The following CRYGN variants were observed in gnomAD, a reference collection of about 807,000 sequenced individuals.
CRYGN encodes gamma-crystallin N.
Under a neutral mutation model 19.2 loss-of-function variants are expected in CRYGN, and 17 were observed. The ratio of observed to expected loss-of-function variants is 0.89; its 90% CI spans 0.61 to 1.33. The LOEUF is 1.33. Among genes scored for constraint, CRYGN ranks in the 40% most tolerant of loss-of-function variants. The pLI is 0.00. For missense variants in CRYGN, 239 were observed against 239.6 expected, an observed-to-expected ratio of 1.00 and a Z score of 0.02; for synonymous variants, 84 against 85.8, an observed-to-expected ratio of 0.98 and a Z score of 0.12.
intron 1 of CRYGN, 38 bp from the exon 2 acceptor site, chr7:151,438,282 T>C (rs1488264560): frequency 6.3e-7 from 1 of 1,574,888 alleles, no homozygotes; most frequent in African/African-American, 1.3e-5. Context: ...GGTCAGGGGC[T>C]TCTCTCCGTC....
chr7:151,440,027 T>G lies in CRYGN; in HGVS notation c.-110A>C. 2 of 1,385,502 alleles carry G rather than the reference T, an allele frequency of 1.4e-6. No individual in the cohort carries two copies. Among genetic ancestry groups the G allele is most frequent in the Non-Finnish European group, 1.9e-6 (2 of 1,068,282 alleles). The allele number at this position is 1,385,502 out of a possible 1,614,324, so 85.8% of individuals were successfully genotyped here. A position where few individuals can be genotyped will look rare whatever the true frequency, so the allele number is the denominator to read the frequency against. On this transcript the variant is annotated 5_prime_UTR_variant, in exon 1 of 4. Transcript: ENST00000337323. ...TGGGCCGGCCCCGGAGCGTTAGTGC[T>G]GTCGGGCGTGCTAAGCCCGAGGGGC...
Position 151,431,777 on chromosome 7 carries a change from C to A in CRYGN, c.417-1597G>T. 1 of 167,286 alleles carries A rather than the reference C, an allele frequency of 6.0e-6. No homozygotes were observed. Among genetic ancestry groups the A allele is most frequent in the Non-Finnish European group, 1.3e-5 (1 of 78,264 alleles). The allele number at this position is 167,286 out of a possible 1,614,324, so 10.4% of individuals were successfully genotyped here. The stretch of plus-strand genomic sequence containing the variant: ...AAAACCCAGAGATCAGACACAGAGA[C>A]CCTGGGTCAGGCCTTTGGCCACATG... On this transcript the variant is annotated intron_variant, in intron 3 of 3. Transcript: ENST00000337323. The surrounding 1 kb of genome is among the most constrained non-coding windows in gnomAD (Gnocchi z 4.8).
chr7:151,433,337 A>T lies in CRYGN; in HGVS notation c.416+2843T>A, dbSNP rs1027527297. Among the ~76,000 whole-genome samples, 3 of 152,216 alleles carry T rather than the reference A, an allele frequency of 2.0e-5. No homozygotes were observed. The highest frequency in any genetic ancestry group is 7.2e-5 in the African/African-American group (3 of 41,450). ...GAGGAAGGGACTGGAGGTCCAGGAT[A>T]GTGGCCTTTGCCTGGAAAGGGGCAT... On this transcript the variant is annotated intron_variant, in intron 3 of 3. Coordinates refer to ENST00000337323, the MANE Select transcript of CRYGN (RefSeq NM_144727.3). This position sits in a 1 kb window ranked among gnomAD's most constrained non-coding sequence, Gnocchi z 5.1.
At chr7:151,434,548 C>T (rs767839955) in intron 3 of CRYGN, among the ~76,000 whole-genome samples, 11 of 152,274 alleles carry the variant, frequency 7.2e-5, no homozygotes, top group South Asian at 2.1e-4. Context: ...ATCAGGCCAC[C>T]GGGGAAAGGT....
rs760580611 is a variant in CRYGN at position 151,436,206 on chromosome 7, G to A, written c.390C>T (p.Asn130=). 6.4e-6 allele frequency: 10 copies of A among 1,573,442 alleles called. No homozygotes were observed. The highest frequency in any genetic ancestry group is 1.2e-5 in the South Asian group (1 of 85,568). Residue 130 remains asparagine (N), a synonymous_variant, in exon 3 of 4, where the codon AAC becomes AAT. Transcript: ENST00000337323. This position sits in a 1 kb window ranked among gnomAD's most constrained non-coding sequence, Gnocchi z 5.1. ...CTCCGTCCCCGTACACCTTGATGGTGTTCACACAGTTCTTGACCCAGCCCC... is the reference window on the plus strand; with the variant it reads ...CTCCGTCCCCGTACACCTTGATGGTATTCACACAGTTCTTGACCCAGCCCC... The part of the protein sequence containing the change: ...QSRGWVKNCV[N]TIKVYGDGAA...
At chr7:151,434,070 G>C (rs904445125) in intron 3 of CRYGN, among the ~76,000 whole-genome samples, 9 of 152,100 alleles carry the variant, frequency 5.9e-5, no homozygotes, top group Non-Finnish European at 1.2e-4. Flanking sequence ...CCCCAGGAAA[G>C]GCCTCCTAGC....
chr7:151,432,699 G>A (rs1399240000), intron 3 of CRYGN, among the ~76,000 whole-genome samples: 1 of 152,320 alleles, frequency 6.6e-6, no homozygotes. Flanking sequence ...AGCTACTTGG[G>A]AGACTGAGGC....
chr7:151,434,325 G>GT (rs1801546554), intron 3 of CRYGN, among the ~76,000 whole-genome samples: 1 of 152,142 alleles, frequency 6.6e-6, no homozygotes, highest in Admixed American at 6.5e-5. Context: ...GGGCCGGGGG[G>GT]ATTGTGTCTA....
At chr7:151,440,320 TC>T (rs1801733887), upstream of CRYGN, 1 of 259,338 alleles carries the variant, frequency 3.9e-6, no homozygotes, top group Non-Finnish European at 7.3e-6. Flanking sequence ...TGTTCCGAGC[TC>T]CCCAGCCCAC....
In CRYGN at chr7:151,430,243, G is replaced by A. The variant is rs2150904848; in HGVS notation, c.417-63C>T. On this transcript the variant is annotated intron_variant, in intron 3 of 3. Transcript: ENST00000337323. The surrounding 1 kb of genome is among the most constrained non-coding windows in gnomAD (Gnocchi z 5.2). The stretch of plus-strand genomic sequence containing the variant: ...TTAGGGGTACAGAGCAGGCCTTTTG[G>A]GGACCCATCTACCACATGGCAGCAG... 1.9e-6 allele frequency: 3 copies of A among 1,542,904 alleles called. No homozygotes were observed. The East Asian group carries it at 6.8e-5, about 35-fold the overall frequency.
At position 151,436,107 on chromosome 7, in the gene CRYGN, C is replaced by T. The variant is rs1046997572; in HGVS notation, c.416+73G>A. 325 of 1,233,636 alleles carry T rather than the reference C, an allele frequency of 2.6e-4. No individual in the cohort carries two copies. The highest frequency in any genetic ancestry group is 4.5e-4 in the Admixed American group (14 of 31,098). 76.4% of individuals were successfully genotyped at this position (1,233,636 alleles called of 1,614,324 possible). ...CACCCCACCCACCACCCCTGTGTGG[C>T]GGGCAGCCTCCCACGCCTGGTGCTG... On this transcript the variant is annotated intron_variant, in intron 3 of 3. Transcript: ENST00000337323. This position sits in a 1 kb window ranked among gnomAD's most constrained non-coding sequence, Gnocchi z 5.1.
rs963895858 is a variant in CRYGN, at chr7:151,430,905, T to C, written c.417-725A>G. 6.6e-6 allele frequency among the ~76,000 whole-genome samples: 1 copy of C among 152,164 alleles called. No individual in the cohort carries two copies. Among genetic ancestry groups the C allele is most frequent in the Admixed American group, 6.5e-5 (1 of 15,278 alleles). ...CAGGAGTCAGATCCACAGCCAGAAC[T>C]CTGTGGGCACACGGGTGATCCAACC... On this transcript the variant is annotated intron_variant, in intron 3 of 3. Transcript: ENST00000337323. This position sits in a 1 kb window ranked among gnomAD's most constrained non-coding sequence, Gnocchi z 5.2.
At chr7:151,437,745 G>T in intron 2 of CRYGN, 1 of 1,167,264 alleles carries the variant, frequency 8.6e-7, no homozygotes, top group Non-Finnish European at 1.2e-6. Context: ...CTAGATTTTT[G>T]GCTCCGAAAC....
chr7:151,438,318 C>T, intron 1 of CRYGN, 74 bp from the exon 2 acceptor site: 1 of 1,479,666 alleles, frequency 6.8e-7, no homozygotes, highest in Non-Finnish European at 9.1e-7. Context: ...CGTCTGGGTC[C>T]CAACACCCTG....
In CRYGN at chr7:151,429,950, A is replaced by G. The variant is rs1230103553; in HGVS notation, c.*98T>C. On this transcript the variant is annotated 3_prime_UTR_variant, in exon 4 of 4. Transcript: ENST00000337323. ...ACAGAAGGCTCCACCTCCCTAACAA[A>G]CTGGCAGAGAAATGAAAACTGAGGG... The G allele has an allele frequency of 1.3e-6, 1 of 754,500 alleles. No individual in the cohort carries two copies. Among genetic ancestry groups the G allele is most frequent in the East Asian group, 2.4e-5 (1 of 41,034 alleles). The allele number at this position is 754,500 out of a possible 1,614,324, so 46.7% of individuals were successfully genotyped here. A position where few individuals can be genotyped will look rare whatever the true frequency, so the allele number is the denominator to read the frequency against.
chr7:151,438,191 C>A lies in CRYGN; in HGVS notation c.75G>T (p.Gly25=), dbSNP rs1198235048. 1.2e-6 allele frequency: 2 copies of A among 1,614,106 alleles called. No homozygotes were observed. Among genetic ancestry groups the A allele is most frequent in the South Asian group, 1.1e-5 (1 of 91,090 alleles). ...CCCGGTCCTGGAAGTTGTCACAGTC[C>A]CCGAAGACCTCCAGCTTCTGCCCTG... ...HFTGQKLEVF[G]DCDNFQDRGF... Residue 25 remains glycine, a synonymous_variant, in exon 2 of 4, where the codon GGG becomes GGT. Coordinates refer to ENST00000337323, the MANE Select transcript of CRYGN (RefSeq NM_144727.3).
rs113313448 is a variant in CRYGN at position 151,429,857 on chromosome 7, C to T, written c.*191G>A. ...GGAGGCTGTGGGGTGGAGGGTTGGA[C>T]GGCTGTTTCAGAAGAGACAGGGCCC... On this transcript the variant is annotated 3_prime_UTR_variant, in exon 4 of 4. Coordinates refer to ENST00000337323, the MANE Select transcript of CRYGN (RefSeq NM_144727.3). 5,915 of 606,304 alleles carry T rather than the reference C, an allele frequency of 9.8e-3. 65 individuals are homozygous for T. Among genetic ancestry groups the T allele is most frequent in the African/African-American group, 0.036 (1,952 of 54,206 alleles). The allele number at this position is 606,304 out of a possible 1,614,324, so 37.6% of individuals were successfully genotyped here.
Position 151,431,816 on chromosome 7 carries a change from A to T in CRYGN, c.417-1636T>A. 1 of 188,190 alleles carries T rather than the reference A, an allele frequency of 5.3e-6. No homozygotes were observed. The highest frequency in any genetic ancestry group is 1.1e-5 in the Non-Finnish European group (1 of 91,848). 11.7% of individuals were successfully genotyped at this position (188,190 alleles called of 1,614,324 possible). A position where few individuals can be genotyped will look rare whatever the true frequency, so the allele number is the denominator to read the frequency against. Reference sequence around the variant, plus strand: ...TTTGGCCACATGGCCTGGCAGCCTCACCTTGCCGAGTCACAGAGAGGCAGA... The same window carrying T: ...TTTGGCCACATGGCCTGGCAGCCTCTCCTTGCCGAGTCACAGAGAGGCAGA... On this transcript the variant is annotated intron_variant, in intron 3 of 3. Transcript: ENST00000337323. This position sits in a 1 kb window ranked among gnomAD's most constrained non-coding sequence, Gnocchi z 4.8.
upstream of CRYGN, chr7:151,440,186 C>T (rs1012784478): frequency 4.6e-6 from 5 of 1,081,614 alleles, no homozygotes; most frequent in African/African-American, 6.7e-5. Flanking sequence ...GCCCAGCCCG[C>T]GGCTGCCCCT....
Sources: allele counts gnomAD v4.1 joint callset (sites outside exome capture counted in the v4.1 genomes callset), GRCh38; gene constraint gnomAD v4.1.1; non-coding constraint Gnocchi (gnomAD v3.1); transcripts MANE v1.5; gene names NCBI Gene and HGNC (gene_info 2026-07-23, HGNC 2026-07-21).